The following XIRP2 variants were observed in gnomAD, a reference collection of about 807,000 sequenced individuals.
XIRP2 encodes xin actin-binding repeat-containing protein 2.
In XIRP2, 236 loss-of-function variants were observed where a neutral mutation model predicts 277.0. That is an observed-to-expected ratio of 0.85 (90% confidence interval 0.77 to 0.95). XIRP2 has a LOEUF of 0.95. Among genes scored for constraint, XIRP2 ranks in the 40% least tolerant of loss-of-function variants. XIRP2 has a pLI of 0.00. For missense variants in XIRP2, 4,640 were observed against 4,157.5 expected, an observed-to-expected ratio of 1.12 and a Z score of -3.19; for synonymous variants, 1,490 against 1,416.5, an observed-to-expected ratio of 1.05 and a Z score of -1.17.
At chr2:167,183,306 T>A (rs962774697) in intron 3 of XIRP2, among the ~76,000 whole-genome samples, 4 of 152,118 alleles carry the variant, frequency 2.6e-5, no homozygotes, top group East Asian at 1.9e-4. Flanking sequence ...TAGCACAAAA[T>A]GAACAAACAT....
intron 2 of XIRP2, among the ~76,000 whole-genome samples, chr2:166,968,535 A>G (rs1490451475): frequency 5.9e-5 from 9 of 151,930 alleles, no homozygotes; most frequent in Admixed American, 5.9e-4. Context: ...GTGCCTTCAA[A>G]TCCCTGATGC....
At chr2:166,986,758 G>A (rs779282758) in intron 2 of XIRP2, among the ~76,000 whole-genome samples, 7 of 152,220 alleles carry the variant, frequency 4.6e-5, no homozygotes, top group African/African-American at 7.2e-5. Flanking sequence ...TAACTTTTTC[G>A]TGCTGTGAAA....
rs140473526 is a variant in XIRP2 at position 167,165,205 on chromosome 2, T to C, written c.562+29143T>C. The stretch of plus-strand genomic sequence containing the variant: ...CATTTTCTTCTACATTGAATAATAT[T>C]TCATTGTCTGGATATGCCACCGCTT... On this transcript the variant is annotated intron_variant, in intron 3 of 10. Transcript: ENST00000409195. Among the ~76,000 whole-genome samples the C allele has an allele frequency of 3.0e-3, 456 of 152,322 alleles. 6 individuals are homozygous for C. The highest frequency in any genetic ancestry group is 0.01 in the African/African-American group (434 of 41,568).
intron 2 of XIRP2, among the ~76,000 whole-genome samples, chr2:166,938,780 T>C (rs1423028046): frequency 6.6e-6 from 1 of 152,230 alleles, no homozygotes; most frequent in Non-Finnish European, 1.5e-5. Context: ...TGGGTGCTCC[T>C]GTATTGGGTG....
intron 2 of XIRP2, among the ~76,000 whole-genome samples, chr2:167,105,038 C>G (rs968043081): frequency 6.6e-6 from 1 of 151,946 alleles, no homozygotes; most frequent in Non-Finnish European, 1.5e-5. Flanking sequence ...TATTGAATAG[C>G]AAAACCCACT....
intron 4 of XIRP2, among the ~76,000 whole-genome samples, chr2:167,214,496 A>G (rs1416466086): frequency 1.4e-5 from 2 of 145,490 alleles, no homozygotes; most frequent in East Asian, 2.0e-4. Context: ...AAAAAAAAAA[A>G]TCAACTGTAT....
At chr2:166,914,878 T>C (rs941053369) in intron 2 of XIRP2, among the ~76,000 whole-genome samples, 2 of 152,222 alleles carry the variant, frequency 1.3e-5, no homozygotes, top group African/African-American at 2.4e-5. Flanking sequence ...TATTATGTAA[T>C]CAAGAAACTT....
rs1157857804 is a variant in XIRP2, at chr2:167,210,744, GC to G, written c.575del (p.Pro192LeufsTer28). On this transcript the variant is annotated frameshift_variant, in exon 4 of 11. Transcript: ENST00000409195. LOFTEE classifies it high-confidence loss of function. ...CTCTGTTTGCTTTCAGCGACTGCTG[GC>G]CCTAATAAGCCTGAGAGTGGATTTG... ...GHSRIFEATA[G>X]PNKPESGFAE... 2.5e-6 allele frequency: 4 copies of G among 1,614,144 alleles called. No homozygotes were observed. The South Asian group carries it at 4.4e-5, about 18-fold the overall frequency.
At chr2:167,115,217 T>A (rs1482362560) in intron 2 of XIRP2, among the ~76,000 whole-genome samples, 2 of 152,204 alleles carry the variant, frequency 1.3e-5, no homozygotes, top group Admixed American at 1.3e-4. Context: ...TCCGTTTGGT[T>A]CTTTTGTATA....
intron 2 of XIRP2, among the ~76,000 whole-genome samples, chr2:167,015,700 G>A (rs1308172338): frequency 6.6e-6 from 1 of 151,706 alleles, no homozygotes; most frequent in Non-Finnish European, 1.5e-5. Context: ...TGGAGAGCCA[G>A]AAAGAGAAAC....
rs758016305 is a variant in XIRP2 at position 167,250,195 on chromosome 2, C to T, written c.8803C>T (p.Arg2935Trp). ...CTTTTCCTCTGTGAAAGAATCCCAGCGGGATGATGGAAAAGGTGCCTTAAA... is the reference window on the plus strand; with the variant it reads ...CTTTTCCTCTGTGAAAGAATCCCAGTGGGATGATGGAAAAGGTGCCTTAAA... ...SFFSSVKESQ[R>W]DDGKGALNIV... The change falls in exon 9 of 11, where the codon CGG becomes TGG. Residue 2935 changes from arginine (R) to tryptophan (W), a missense_variant. Physicochemically the swap from Arg to Trp is moderately radical, Grantham distance 101. Transcript: ENST00000409195. 3.1e-6 allele frequency: 5 copies of T among 1,613,384 alleles called. No homozygotes were observed. Among genetic ancestry groups the T allele is most frequent in the Non-Finnish European group, 3.4e-6 (4 of 1,179,656 alleles).
At chr2:167,026,363 T>C (rs1196978061) in intron 2 of XIRP2, among the ~76,000 whole-genome samples, 2 of 152,144 alleles carry the variant, frequency 1.3e-5, no homozygotes, top group East Asian at 1.9e-4. Context: ...GCACGTGAGA[T>C]GGGTTTCCTG....
At position 167,249,565 on chromosome 2, in the gene XIRP2, A is replaced by G; in HGVS notation, c.8173A>G (p.Thr2725Ala). 6.2e-7 allele frequency: 1 copy of G among 1,613,718 alleles called. No homozygotes were observed. Among genetic ancestry groups the G allele is most frequent in the Non-Finnish European group, 8.5e-7 (1 of 1,179,802 alleles). Residue 2725 changes from threonine to alanine, a missense_variant, in exon 9 of 11, where the codon ACA becomes GCA. Physicochemically the swap from Thr to Ala is moderately conservative, Grantham distance 58 (BLOSUM62 0). Coordinates refer to ENST00000409195, the MANE Select transcript of XIRP2 (RefSeq NM_152381.6). Reference protein sequence around the residue: ...LPTLDHTLNETDHSYESHKQQ... With the variant: ...LPTLDHTLNEADHSYESHKQQ... ...AACTCTAGATCATACATTAAATGAA[A>G]CAGACCACAGCTATGAAAGTCATAA... is the stretch of plus-strand genomic sequence containing the variant.
chr2:167,241,555 C>A (rs569104525), intron 7 of XIRP2, among the ~76,000 whole-genome samples: 4 of 152,136 alleles, frequency 2.6e-5, no homozygotes, highest in African/African-American at 9.6e-5. Flanking sequence ...AGAAGTTTCC[C>A]ATAGCATTAT....
At chr2:167,126,854 C>A (rs909026154) in intron 2 of XIRP2, among the ~76,000 whole-genome samples, 1 of 152,168 alleles carries the variant, frequency 6.6e-6, no homozygotes, top group African/African-American at 2.4e-5. Flanking sequence ...AGAATAGCAC[C>A]TTCCCATAGG....
intron 3 of XIRP2, among the ~76,000 whole-genome samples, chr2:167,154,385 T>A (rs887501404): frequency 1.3e-5 from 2 of 151,590 alleles, no homozygotes; most frequent in African/African-American, 4.9e-5. Flanking sequence ...GGTAGTTTCT[T>A]TTGCTGTGCA....
rs1285541197 is a variant in XIRP2, at chr2:167,251,447, G to C, written c.10055G>C (p.Arg3352Thr). The C allele has an allele frequency of 2.5e-6, 4 of 1,613,468 alleles. No homozygotes were observed. Among genetic ancestry groups the C allele is most frequent in the Non-Finnish European group, 3.4e-6 (4 of 1,179,686 alleles). Residue 3352 changes from arginine (R) to threonine (T), a missense_variant, in exon 9 of 11, where the codon AGA (arginine) becomes ACA (threonine). By Grantham distance (71) the Arg-to-Thr change is moderately conservative. Transcript: ENST00000409195. ...CCAGTTTCTGAAGCAAAGTCAAATAGAAGAGTTTATGCAAAGGGAGAAACA... is the reference window on the plus strand; with the variant it reads ...CCAGTTTCTGAAGCAAAGTCAAATACAAGAGTTTATGCAAAGGGAGAAACA... ...HGPVSEAKSNRRVYAKGETNH... is the reference protein window; with the variant it reads ...HGPVSEAKSNTRVYAKGETNH...
At chr2:167,146,959 A>G (rs904202617) in intron 3 of XIRP2, among the ~76,000 whole-genome samples, 2 of 152,148 alleles carry the variant, frequency 1.3e-5, no homozygotes, top group South Asian at 2.1e-4. Flanking sequence ...GTGTGAAGCT[A>G]TATTTTTAAT....
intron 3 of XIRP2, among the ~76,000 whole-genome samples, chr2:167,208,180 T>C (rs923913377): frequency 1.3e-5 from 2 of 152,210 alleles, no homozygotes; most frequent in African/African-American, 4.8e-5. Context: ...TATTAATATT[T>C]ATAATGCTTT....
Sources: allele counts gnomAD v4.1 joint callset (sites outside exome capture counted in the v4.1 genomes callset), GRCh38; gene constraint gnomAD v4.1.1; transcripts MANE v1.5; gene names NCBI Gene and HGNC (gene_info 2026-07-23, HGNC 2026-07-21).